TENM2: variants seen among roughly 807,000 people sequenced by gnomAD.
TENM2 encodes teneurin transmembrane protein 2, also known as teneurin-2.
In TENM2, 52 loss-of-function variants were observed where a neutral mutation model predicts 245.2. That is an observed-to-expected ratio of 0.21 (90% CI 0.17 to 0.27). The LOEUF (loss-of-function observed/expected upper bound fraction) is 0.27, where lower values mean the gene tolerates loss of function less well. Among genes scored for constraint, TENM2 ranks in the 10% least tolerant of loss-of-function variants. TENM2 has a pLI of 1.00. For missense variants in TENM2, 3,046 were observed against 3,666.8 expected, an observed-to-expected ratio of 0.83 and a Z score of 4.37; for synonymous variants, 1,363 against 1,438.9, an observed-to-expected ratio of 0.95 and a Z score of 1.19.
At chr5:167,047,392 T>C in the TENM2 span, among the ~76,000 whole-genome samples, 2 of 151,190 alleles carry the variant, frequency 1.3e-5, no homozygotes, top group Non-Finnish European at 3.0e-5. Flanking sequence ...TTATTTTGCT[T>C]TCTTAATTTA....
At chr5:167,952,182 C>T (rs1164425233) in intron 3 of TENM2, among the ~76,000 whole-genome samples, 1 of 152,154 alleles carries the variant, frequency 6.6e-6, no homozygotes, top group Non-Finnish European at 1.5e-5. Flanking sequence ...TTAATATCTT[C>T]AAAAGATGAA....
intron 2 of TENM2, among the ~76,000 whole-genome samples, chr5:167,645,591 T>A (rs2150265524): frequency 7.6e-6 from 1 of 130,748 alleles, no homozygotes; most frequent in East Asian, 2.1e-4. Flanking sequence ...AGTTTTTCCT[T>A]TTTTTTTTTT....
At chr5:167,047,532 G>C in the TENM2 span, among the ~76,000 whole-genome samples, 2 of 152,120 alleles carry the variant, frequency 1.3e-5, no homozygotes, top group Non-Finnish European at 2.9e-5. Context: ...TGGAACTATG[G>C]AAAAGAAGAC....
At chr5:167,192,566 A>G in the TENM2 span, among the ~76,000 whole-genome samples, 1 of 152,074 alleles carries the variant, frequency 6.6e-6, no homozygotes, top group Non-Finnish European at 1.5e-5. Context: ...ATGGTACTAC[A>G]AAAGAAGAAC....
chr5:167,349,112 G>A (rs1561882064), intron 1 of TENM2, among the ~76,000 whole-genome samples: 1 of 152,138 alleles, frequency 6.6e-6, no homozygotes, highest in Non-Finnish European at 1.5e-5. Context: ...TCTGAGTTGC[G>A]TTGCCACAAT....
chr5:168,258,512 A>G (rs777916463), intron 27 of TENM2, among the ~76,000 whole-genome samples: 1 of 152,084 alleles, frequency 6.6e-6, no homozygotes, highest in Non-Finnish European at 1.5e-5. Flanking sequence ...AAAAAAAACC[A>G]AAAAGTGGAA....
chr5:167,476,945 A>G (rs1441839772), intron 2 of TENM2, among the ~76,000 whole-genome samples: 2 of 152,144 alleles, frequency 1.3e-5, no homozygotes, highest in Non-Finnish European at 1.5e-5. Context: ...TTTATTTTCT[A>G]GAGAATGTTA....
chr5:167,596,685 A>G (rs1010398578), intron 2 of TENM2, among the ~76,000 whole-genome samples: 1 of 151,216 alleles, frequency 6.6e-6, no homozygotes, highest in African/African-American at 2.4e-5. Context: ...AGTCCCAGCT[A>G]CTCGGGAGGC....
At chr5:167,522,715 T>C (rs1397167682) in intron 2 of TENM2, among the ~76,000 whole-genome samples, 1 of 152,034 alleles carries the variant, frequency 6.6e-6, no homozygotes, top group Non-Finnish European at 1.5e-5. Flanking sequence ...ATCTAAGGGA[T>C]AATGCCTGGA....
intron 6 of TENM2, among the ~76,000 whole-genome samples, chr5:168,052,086 CT>C (rs759796312): frequency 1.3e-5 from 2 of 150,606 alleles, no homozygotes; most frequent in Non-Finnish European, 3.0e-5. Context: ...AAAGTGAGAC[CT>C]CATCCCTATT....
At chr5:167,042,719 T>G in the TENM2 span, among the ~76,000 whole-genome samples, 1 of 152,226 alleles carries the variant, frequency 6.6e-6, no homozygotes, top group Non-Finnish European at 1.5e-5. Flanking sequence ...ATAGAAATAC[T>G]TTTTGGAAGA....
rs549033963 is a variant in TENM2, at chr5:167,974,951, A to G, written c.948-17993A>G. Among the ~76,000 whole-genome samples, 99 of 152,344 alleles carry G rather than the reference A, an allele frequency of 6.5e-4. 1 individual carries two copies. Among genetic ancestry groups the G allele is most frequent in the Middle Eastern group, 3.4e-3 (1 of 294 alleles). ...AACCACTTAATTTCTTGTCAAGCAA[A>G]ACTTGAGAGCCAGAAAGGATCCCAG... On this transcript the variant is annotated intron_variant, in intron 4 of 28. Transcript: ENST00000518659.
chr5:167,694,496 C>T (rs1757635397), intron 2 of TENM2, among the ~76,000 whole-genome samples: 1 of 152,186 alleles, frequency 6.6e-6, no homozygotes, highest in African/African-American at 2.4e-5. Context: ...GAATTAGTTG[C>T]AAATTATATT....
At chr5:167,938,106 A>G (rs897360269) in intron 3 of TENM2, 1 of 152,244 alleles carries the variant, frequency 6.6e-6, no homozygotes, top group Non-Finnish European at 1.5e-5. Flanking sequence ...AATTAAACAC[A>G]AAAGACAGTT....
At chr5:168,089,014 T>G (rs564477324) in intron 7 of TENM2, among the ~76,000 whole-genome samples, 2 of 152,322 alleles carry the variant, frequency 1.3e-5, no homozygotes, top group South Asian at 4.1e-4. Flanking sequence ...AACCTACACT[T>G]TGAATGTTCT....
At chr5:167,535,932 G>A (rs889142552) in intron 2 of TENM2, among the ~76,000 whole-genome samples, 1 of 152,142 alleles carries the variant, frequency 6.6e-6, no homozygotes, top group African/African-American at 2.4e-5. Flanking sequence ...AGGGCACTTG[G>A]GTCAAGGGAG....
chr5:167,087,303 A>G, the TENM2 span, among the ~76,000 whole-genome samples: 64 of 152,156 alleles, frequency 4.2e-4, no homozygotes, highest in Non-Finnish European at 7.1e-4. Flanking sequence ...TTAGTGCTCA[A>G]CGCACGTCAC....
At chr5:167,146,514 T>A in the TENM2 span, among the ~76,000 whole-genome samples, 2 of 152,184 alleles carry the variant, frequency 1.3e-5, no homozygotes, top group Admixed American at 1.3e-4. Flanking sequence ...TACCAAGTAC[T>A]CTGCGGAGTG....
chr5:167,422,724 C>G (rs1349667961), intron 2 of TENM2, among the ~76,000 whole-genome samples: 1 of 152,094 alleles, frequency 6.6e-6, no homozygotes, highest in Non-Finnish European at 1.5e-5. Flanking sequence ...AATCCCTTAA[C>G]GTAAGATACC....
Sources: allele counts gnomAD v4.1 joint callset (sites outside exome capture counted in the v4.1 genomes callset), GRCh38; gene constraint gnomAD v4.1.1; transcripts MANE v1.5; gene names NCBI Gene and HGNC (gene_info 2026-07-23, HGNC 2026-07-21).